EPM2A: variants seen among roughly 807,000 people sequenced by gnomAD.
The protein encoded by EPM2A is laforin.
Under a neutral mutation model 26.5 loss-of-function variants are expected in EPM2A, and 21 were observed. The ratio of observed to expected loss-of-function variants is 0.79; its 90% confidence interval spans 0.56 to 1.14. The LOEUF is 1.14. Among genes scored for constraint, EPM2A ranks in the 50% most tolerant of loss-of-function variants. The pLI, the probability that EPM2A is intolerant of heterozygous loss-of-function variation, is 0.00. For synonymous variants in EPM2A, 217 were observed against 177.6 expected (o/e 1.22, Z -1.76); for missense variants, 458 against 440.8 (o/e 1.04, Z -0.35).
intron 4 of EPM2A, among the ~76,000 whole-genome samples, chr6:145,430,371 G>A (rs544983778): frequency 9.2e-5 from 14 of 152,034 alleles, no homozygotes; most frequent in East Asian, 3.9e-4. Context: ...AGGCCAAGGC[G>A]GCCGGATCAC....
At chr6:145,452,349 A>G (rs1276169510) in intron 4 of EPM2A, among the ~76,000 whole-genome samples, 1 of 151,944 alleles carries the variant, frequency 6.6e-6, no homozygotes, top group East Asian at 1.9e-4. Flanking sequence ...TCTGCAGCTA[A>G]TATGTCTGCT....
Position 145,416,269 on chromosome 6 carries a change from C to A in EPM2A, c.556-32172G>T, listed in dbSNP as rs565156300. 2.1e-5 allele frequency among the ~76,000 whole-genome samples: 3 copies of A among 144,982 alleles called. No homozygotes were observed. The South Asian group carries it at 6.6e-4, about 32-fold the overall frequency. The stretch of plus-strand genomic sequence containing the variant: ...CAGGCAGGCTTTTTTTTTTTTAATG[C>A]AGATTGTCATTAACACAACAATTTT... On this transcript the variant is annotated intron_variant, in intron 4 of 4. Coordinates refer to the EPM2A transcript ENST00000638717.
intron 2 of EPM2A, among the ~76,000 whole-genome samples, chr6:145,516,528 C>G (rs1780129759): frequency 6.6e-6 from 1 of 152,070 alleles, no homozygotes; most frequent in Admixed American, 6.6e-5. Flanking sequence ...AGACTGATAG[C>G]ATTTAAATTT....
intron 4 of EPM2A, among the ~76,000 whole-genome samples, chr6:145,404,438 G>A (rs895228290): frequency 4.3e-5 from 6 of 139,678 alleles, no homozygotes; most frequent in Admixed American, 2.9e-4. Flanking sequence ...GTGTATATGC[G>A]TTTGTCTAAA....
intron 2 of EPM2A, among the ~76,000 whole-genome samples, chr6:145,675,701 G>GT (rs1779982035): frequency 6.6e-6 from 1 of 152,146 alleles, no homozygotes; most frequent in African/African-American, 2.4e-5. Context: ...TTACATAATG[G>GT]TAAAGGGATC....
intron 4 of EPM2A, among the ~76,000 whole-genome samples, chr6:145,488,518 T>TGA (rs1434961412): frequency 9.2e-5 from 12 of 131,004 alleles, no homozygotes; most frequent in African/African-American, 3.7e-4. Flanking sequence ...TGTGTGTGTG[T>TGA]GTGTGAGAGA....
intron 1 of EPM2A, among the ~76,000 whole-genome samples, chr6:145,732,721 G>A (rs910225770): frequency 3.9e-5 from 6 of 152,114 alleles, no homozygotes; most frequent in Non-Finnish European, 7.4e-5. Context: ...ATTTTTCCTT[G>A]CAGTGGTACA....
intron 1 of EPM2A, among the ~76,000 whole-genome samples, chr6:145,729,002 G>A (rs888105284): frequency 6.6e-6 from 1 of 152,108 alleles, no homozygotes; most frequent in Non-Finnish European, 1.5e-5. Context: ...GGTTAAAAGG[G>A]TCCCAAATAT....
At chr6:145,444,043 T>C (rs1429968995) in intron 4 of EPM2A, among the ~76,000 whole-genome samples, 1 of 152,202 alleles carries the variant, frequency 6.6e-6, no homozygotes, top group East Asian at 1.9e-4. Flanking sequence ...AGCGTAAAAA[T>C]GGACTAATGC....
intron 2 of EPM2A, among the ~76,000 whole-genome samples, chr6:145,551,068 C>G (rs1033305160): frequency 1.3e-5 from 2 of 152,022 alleles, no homozygotes; most frequent in Non-Finnish European, 2.9e-5. Flanking sequence ...TTCATACCTT[C>G]AAGTCAAATG....
chr6:145,507,348 C>T, intron 2 of EPM2A, among the ~76,000 whole-genome samples: 2 of 152,244 alleles, frequency 1.3e-5, no homozygotes, highest in East Asian at 3.9e-4. Flanking sequence ...CAAAGGACAC[C>T]TCATATTCTG....
At chr6:145,734,964 G>A (rs1442028085) in intron 1 of EPM2A, 10 of 302,594 alleles carry the variant, frequency 3.3e-5, no homozygotes, top group Non-Finnish European at 6.0e-5. Context: ...GCGGCCGGGA[G>A]CGCTATACGG....
intron 4 of EPM2A, among the ~76,000 whole-genome samples, chr6:145,432,397 G>A (rs563250284): frequency 2.0e-5 from 3 of 152,216 alleles, no homozygotes; most frequent in African/African-American, 7.2e-5. Context: ...GCTGCAGAAT[G>A]GAGGTTGTAT....
chr6:145,681,000 T>A lies in EPM2A; in HGVS notation c.476+5122A>T, dbSNP rs9497393. On this transcript the variant is annotated intron_variant, in intron 2 of 3. Transcript: ENST00000367519. ...CCACAAGGGTTGAACTAGTTTACAG[T>A]CCCACCAACAGTGTAAAAGTGTTCC... 7.9e-3 allele frequency among the ~76,000 whole-genome samples: 1,205 copies of A among 151,992 alleles called. 16 individuals carry two copies. The highest frequency in any genetic ancestry group is 0.028 in the African/African-American group (1,154 of 41,440).
At chr6:145,452,271 T>G (rs920405876) in intron 4 of EPM2A, among the ~76,000 whole-genome samples, 26 of 152,090 alleles carry the variant, frequency 1.7e-4, no homozygotes, top group Non-Finnish European at 7.4e-5. Context: ...CTCTTTTTCT[T>G]TACCTGCTGT....
chr6:145,543,204 G>A (rs770043752), intron 2 of EPM2A, among the ~76,000 whole-genome samples: 3 of 151,916 alleles, frequency 2.0e-5, no homozygotes, highest in Non-Finnish European at 4.4e-5. Context: ...TAGAAGCAAA[G>A]GATGCTCTTT....
chr6:145,484,645 C>T (rs1197736596), intron 4 of EPM2A, among the ~76,000 whole-genome samples: 1 of 151,972 alleles, frequency 6.6e-6, no homozygotes, highest in East Asian at 1.9e-4. Flanking sequence ...AAAAGACAGA[C>T]ATAAATCACT....
At position 145,697,606 on chromosome 6, in the gene EPM2A, C is replaced by T. The variant is rs530950237; in HGVS notation, c.302-11310G>A. ...CGGCTCGACCATAAAAGATGGCCGC[C>T]CCCCGAAGCGGCCATTTTAGAGGCC... is the stretch of plus-strand genomic sequence containing the variant. On this transcript the variant is annotated intron_variant, in intron 1 of 3. Coordinates refer to ENST00000367519, the MANE Select transcript of EPM2A (RefSeq NM_005670.4). 7.2e-5 allele frequency among the ~76,000 whole-genome samples: 11 copies of T among 152,204 alleles called. No homozygotes were observed. The East Asian group carries it at 1.9e-3, about 27-fold the overall frequency.
At position 145,733,034 on chromosome 6, in the gene EPM2A, T is replaced by C. The variant is rs943395548; in HGVS notation, c.301+2164A>G. On this transcript the variant is annotated intron_variant, in intron 1 of 3. Transcript: ENST00000367519. ...CTACCCTGCTTCTCATAAAGCTCTCTGTTAATTTACGATGTTTAGAATCAG... is the reference window on the plus strand; with the variant it reads ...CTACCCTGCTTCTCATAAAGCTCTCCGTTAATTTACGATGTTTAGAATCAG... Among the ~76,000 whole-genome samples, 8 of 152,336 alleles carry C rather than the reference T, an allele frequency of 5.3e-5. No homozygotes were observed. The East Asian group carries it at 1.3e-3, about 26-fold the overall frequency.
Sources: gnomAD v4.1 joint callset for allele counts (sites outside exome capture counted in the v4.1 genomes callset) on GRCh38, gnomAD v4.1.1 for gene constraint, MANE v1.5 for transcripts, NCBI Gene and HGNC (gene_info 2026-07-23, HGNC 2026-07-21) for gene names.